SPATA6L: variants seen among roughly 807,000 people sequenced by gnomAD.
The protein encoded by SPATA6L is spermatogenesis associated 6 like.
SPATA6L carries 68 observed loss-of-function variants against 49.2 expected under a neutral mutation model. That is an observed-to-expected ratio of 1.38 (90% CI 1.14 to 1.69). The LOEUF is 1.69. Among genes scored for constraint, SPATA6L ranks in the 40% most tolerant of loss-of-function variants. The pLI is 0.00. For missense variants in SPATA6L, 668 were observed against 464.3 expected, an observed-to-expected ratio of 1.44 and a Z score of -4.03; for synonymous variants, 198 against 165.7, an observed-to-expected ratio of 1.19 and a Z score of -1.50.
chr9:4,644,183 C>CAAAAAAAAA lies in SPATA6L; in HGVS notation c.227-8793_227-8785dup, dbSNP rs58325546. ...GCAACATAGTAAGATGCCATCTCTG[C>CAAAAAAAAA]AAAAAAAAAAAAAAAAAAAAAAAAA... On this transcript the variant is annotated intron_variant, in intron 3 of 11. Coordinates refer to ENST00000682582, the MANE Select transcript of SPATA6L (RefSeq NM_001353486.2). Among the ~76,000 whole-genome samples the CAAAAAAAAA allele has an allele frequency of 1.1e-4, 5 of 45,666 alleles. 1 individual carries two copies. The highest frequency in any genetic ancestry group is 2.9e-4 in the African/African-American group (5 of 17,226). The allele number at this position is 45,666 out of a possible 152,430, so 30.0% of individuals were successfully genotyped here.
chr9:4,617,816 C>T (rs890396300), intron 9 of SPATA6L, 107 bp downstream of exon 9: 3 of 909,964 alleles, frequency 3.3e-6, no homozygotes, highest in Admixed American at 3.0e-5. Context: ...ATCAAGGTGT[C>T]ACCAGCTGAA....
At position 4,656,761 on chromosome 9, in the gene SPATA6L, T is replaced by C. The variant is rs1587497484; in HGVS notation, c.178-672A>G. Among the ~76,000 whole-genome samples the C allele has an allele frequency of 2.6e-5, 4 of 152,320 alleles. No individual in the cohort carries two copies. The South Asian group carries it at 8.3e-4, about 32-fold the overall frequency. ...TTTGTTGCTAAAAGCCCATCTTAAA[T>C]CAACCCCAGAGTGTTGTTTGACTAC... On this transcript the variant is annotated intron_variant, in intron 2 of 11. Transcript: ENST00000682582.
In SPATA6L at chr9:4,611,513, T is replaced by C. The variant is rs1292936065; in HGVS notation, c.996-6073A>G. Among the ~76,000 whole-genome samples, 38 of 148,488 alleles carry C rather than the reference T, an allele frequency of 2.6e-4. 1 individual carries two copies. Among genetic ancestry groups the C allele is most frequent in the Admixed American group, 2.0e-3 (30 of 15,170 alleles). ...GTCCTTTGTAGGGACACGGATGAAA[T>C]TGGAAATCACCATTCTCAGTAAACT... On this transcript the variant is annotated intron_variant, in intron 9 of 11. Transcript: ENST00000682582.
At chr9:4,641,323 C>G (rs62543895) in intron 3 of SPATA6L, among the ~76,000 whole-genome samples, 8,632 of 152,032 alleles carry the variant, frequency 0.057, 356 homozygotes, top group African/African-American at 0.11. Flanking sequence ...TGAAAATATC[C>G]ATGAATGCTC....
chr9:4,611,306 C>A (rs1564148290), intron 9 of SPATA6L, among the ~76,000 whole-genome samples: 1 of 147,178 alleles, frequency 6.8e-6, no homozygotes, highest in Non-Finnish European at 1.5e-5. Context: ...GGGTATATAC[C>A]CAAAGGACTA....
At chr9:4,643,054 CTGGAGTGCAGTGG>C (rs1834387471) in intron 3 of SPATA6L, among the ~76,000 whole-genome samples, 1 of 152,182 alleles carries the variant, frequency 6.6e-6, no homozygotes, top group Non-Finnish European at 1.5e-5. Flanking sequence ...GTGGCCCAGG[CTGGAGTGCAGTGG>C]TGCAATCTTA....
At chr9:4,612,128 C>G (rs10974654) in intron 9 of SPATA6L, among the ~76,000 whole-genome samples, 2 of 151,974 alleles carry the variant, frequency 1.3e-5, no homozygotes, top group African/African-American at 2.4e-5. Context: ...GTATGCACCA[C>G]CATGCAGAGC....
intron 3 of SPATA6L, among the ~76,000 whole-genome samples, chr9:4,637,219 A>T (rs1241236291): frequency 6.6e-6 from 1 of 151,860 alleles, no homozygotes; most frequent in African/African-American, 2.4e-5. Context: ...TCCTCCACAT[A>T]ACGGTTTTGC....
At position 4,603,035 on chromosome 9, in the gene SPATA6L, G is replaced by C. The variant is rs541006194; in HGVS notation, c.*1+1144C>G. Among the ~76,000 whole-genome samples, 43 of 152,316 alleles carry C rather than the reference G, an allele frequency of 2.8e-4. No individual in the cohort carries two copies. The South Asian group carries it at 8.7e-3, about 31-fold the overall frequency. On this transcript the variant is annotated intron_variant, in intron 11 of 11. Transcript: ENST00000682582. ...AAGAAAAGAATATATGAGAAACGAT[G>C]ATGTCCCACAATGTGGCTAACTACT...
At chr9:4,635,829 G>A (rs988104635) in intron 3 of SPATA6L, among the ~76,000 whole-genome samples, 1 of 152,158 alleles carries the variant, frequency 6.6e-6, no homozygotes. Context: ...CAAGGGCCCA[G>A]ATGACAGCTA....
chr9:4,627,512 T>C, intron 5 of SPATA6L: 1 of 324,736 alleles, frequency 3.1e-6, no homozygotes, highest in South Asian at 2.5e-5. Flanking sequence ...GGGATAAGCA[T>C]TTTGTTTCAC....
chr9:4,657,605 G>A (rs543883617), intron 2 of SPATA6L, among the ~76,000 whole-genome samples: 8 of 152,166 alleles, frequency 5.3e-5, no homozygotes, highest in South Asian at 2.1e-4. Context: ...AGCAAGGAGC[G>A]ATTCATAAAC....
At chr9:4,635,440 A>G in intron 3 of SPATA6L, 41 bp from the exon 4 acceptor site, 1 of 1,551,230 alleles carries the variant, frequency 6.4e-7, no homozygotes, top group Non-Finnish European at 8.6e-7. Context: ...CTGTATTTAC[A>G]CCTCCAGGCT....
chr9:4,616,030 A>T (rs553305952), intron 9 of SPATA6L, among the ~76,000 whole-genome samples: 54 of 152,268 alleles, frequency 3.5e-4, no homozygotes, highest in Admixed American at 8.5e-4. Flanking sequence ...TGTACCCAGC[A>T]CTTTGGGAGG....
Position 4,666,213 on chromosome 9 carries a change from G to T in SPATA6L, c.38C>A (p.Ala13Glu). 1 of 1,614,042 alleles carries T rather than the reference G, an allele frequency of 6.2e-7. No homozygotes were observed. Among genetic ancestry groups the T allele is most frequent in the Non-Finnish European group, 8.5e-7 (1 of 1,179,986 alleles). ...AGGGGGAGTTCATCGATCTCTTACCGCCCGGATCTGCAGCTCCACCACCAC... is the reference window on the plus strand; with the variant it reads ...AGGGGGAGTTCATCGATCTCTTACCTCCCGGATCTGCAGCTCCACCACCAC... Reference protein sequence around the residue: ...LEVVVELQIRAISCPGVFLPG... With the variant: ...LEVVVELQIREISCPGVFLPG... Residue 13 changes from alanine to glutamate, a missense_variant and splice_region_variant, in exon 1 of 12, where the codon GCG becomes GAG. Transcript: ENST00000682582.
At chr9:4,635,774 T>C (rs1350514216) in intron 3 of SPATA6L, among the ~76,000 whole-genome samples, 1 of 152,228 alleles carries the variant, frequency 6.6e-6, no homozygotes, top group Non-Finnish European at 1.5e-5. Flanking sequence ...CACACAACTT[T>C]ACAGTTTAGA....
intron 3 of SPATA6L, among the ~76,000 whole-genome samples, chr9:4,646,680 T>C (rs1045654564): frequency 7.2e-5 from 11 of 152,122 alleles, no homozygotes; most frequent in African/African-American, 2.4e-4. Flanking sequence ...TCAAATCAGG[T>C]ATTTCTAGAA....
Position 4,612,432 on chromosome 9 carries a change from T to C in SPATA6L, c.995+5491A>G, listed in dbSNP as rs141234040. On this transcript the variant is annotated intron_variant, in intron 9 of 11. Coordinates refer to ENST00000682582, the MANE Select transcript of SPATA6L (RefSeq NM_001353486.2). Reference sequence around the variant, plus strand: ...CCATAGGCATTTGGCAACACTGTTCTCTCTTCTACCTCCCAACCCCAGGGG... The same window carrying C: ...CCATAGGCATTTGGCAACACTGTTCCCTCTTCTACCTCCCAACCCCAGGGG... 5.3e-3 allele frequency among the ~76,000 whole-genome samples: 811 copies of C among 152,298 alleles called. 10 individuals carry two copies. Among genetic ancestry groups the C allele is most frequent in the African/African-American group, 0.018 (766 of 41,556 alleles).
At chr9:4,663,230 T>C (rs2130811014) in intron 1 of SPATA6L, 1 of 1,614,014 alleles carries the variant, frequency 6.2e-7, no homozygotes, top group Non-Finnish European at 8.5e-7. Context: ...CCCATAATGC[T>C]CCGGTCCTCT....
Sources: gnomAD v4.1 joint callset for allele counts (sites outside exome capture counted in the v4.1 genomes callset) on GRCh38, gnomAD v4.1.1 for gene constraint, MANE v1.5 for transcripts, NCBI Gene and HGNC (gene_info 2026-07-23, HGNC 2026-07-21) for gene names.